The following GALNT13 variants were observed in gnomAD, a reference collection of about 807,000 sequenced individuals.
The protein encoded by GALNT13 is UDP-GalNAc:polypeptide N-acetylgalactosaminyltransferase 13.
Under a neutral mutation model 64.2 loss-of-function variants are expected in GALNT13, and 28 were observed. The observed-to-expected ratio is 0.44, with a 90% CI of 0.32 to 0.60. The LOEUF is 0.60. GALNT13 is among the 20% of genes least tolerant of loss of function. The pLI, the probability that GALNT13 is intolerant of heterozygous loss-of-function variation, is 0.05. For synonymous variants in GALNT13, 214 were observed against 224.6 expected (o/e 0.95, Z 0.42); for missense variants, 577 against 669.8 (o/e 0.86, Z 1.53).
chr2:153,071,846 T>C, the GALNT13 span, among the ~76,000 whole-genome samples: 2 of 152,172 alleles, frequency 1.3e-5, no homozygotes. Flanking sequence ...TTATGGGTTT[T>C]AAAAAATGTA....
At chr2:153,796,586 G>T in the GALNT13 span, among the ~76,000 whole-genome samples, 2 of 152,066 alleles carry the variant, frequency 1.3e-5, no homozygotes, top group Non-Finnish European at 2.9e-5. Flanking sequence ...AGTACATTGA[G>T]ATTTAAAGAA....
At chr2:154,087,487 C>T (rs960650405) in intron 3 of GALNT13, among the ~76,000 whole-genome samples, 1 of 152,030 alleles carries the variant, frequency 6.6e-6, no homozygotes, top group Admixed American at 6.6e-5. Context: ...GATTTGACAT[C>T]ATAGTCCATT....
chr2:153,379,098 A>G, the GALNT13 span, among the ~76,000 whole-genome samples: 2 of 152,110 alleles, frequency 1.3e-5, no homozygotes, highest in African/African-American at 4.8e-5. Flanking sequence ...GGGACGAGAT[A>G]CTGTAAAGGC....
At chr2:153,750,412 C>A in the GALNT13 span, among the ~76,000 whole-genome samples, 1 of 151,784 alleles carries the variant, frequency 6.6e-6, no homozygotes, top group Non-Finnish European at 1.5e-5. Context: ...ATTAGTTTTT[C>A]TTTAAACGTT....
chr2:153,490,697 C>T, the GALNT13 span, among the ~76,000 whole-genome samples: 34 of 152,196 alleles, frequency 2.2e-4, no homozygotes, highest in Non-Finnish European at 5.0e-4. Flanking sequence ...CAGTGGCTCA[C>T]ACCTGTAATC....
At chr2:153,554,197 G>A in the GALNT13 span, among the ~76,000 whole-genome samples, 1 of 151,818 alleles carries the variant, frequency 6.6e-6, no homozygotes, top group Non-Finnish European at 1.5e-5. Flanking sequence ...CGTGGTGATG[G>A]GTGCCTGTAG....
At chr2:153,762,215 C>G in the GALNT13 span, 2 of 69,224 alleles carry the variant, frequency 2.9e-5, no homozygotes, top group African/African-American at 1.1e-4. Context: ...TACTTCTCTC[C>G]TCTTTTTTTC....
chr2:153,670,822 G>A, the GALNT13 span, among the ~76,000 whole-genome samples: 1 of 152,170 alleles, frequency 6.6e-6, no homozygotes, highest in Admixed American at 6.5e-5. Flanking sequence ...TTAGACGAAT[G>A]TCTAAATAGA....
At chr2:153,646,578 C>T in the GALNT13 span, among the ~76,000 whole-genome samples, 2 of 151,922 alleles carry the variant, frequency 1.3e-5, no homozygotes, top group Non-Finnish European at 2.9e-5. Flanking sequence ...TCGTCATTTA[C>T]ATTAGGTATA....
At chr2:153,468,574 A>G in the GALNT13 span, among the ~76,000 whole-genome samples, 5 of 152,074 alleles carry the variant, frequency 3.3e-5, no homozygotes, top group African/African-American at 1.2e-4. Context: ...AGTTTTCAGT[A>G]TTATAATTTG....
chr2:153,966,776 T>A (rs1693390094), intron 3 of GALNT13, among the ~76,000 whole-genome samples: 1 of 152,142 alleles, frequency 6.6e-6, no homozygotes, highest in Non-Finnish European at 1.5e-5. Context: ...TCTACCTGGT[T>A]ATTCGTGTTT....
At chr2:154,137,781 C>CAGCAT (rs1279646736) in intron 3 of GALNT13, among the ~76,000 whole-genome samples, 1 of 152,034 alleles carries the variant, frequency 6.6e-6, no homozygotes, top group Non-Finnish European at 1.5e-5. Flanking sequence ...ACTTTCTCTG[C>CAGCAT]AGCATGTCTT....
chr2:153,930,325 T>G (rs1044890035), intron 2 of GALNT13, among the ~76,000 whole-genome samples: 1 of 152,144 alleles, frequency 6.6e-6, no homozygotes, highest in Non-Finnish European at 1.5e-5. Flanking sequence ...CAGAGGCTCT[T>G]TAATTTAATT....
intron 10 of GALNT13, among the ~76,000 whole-genome samples, chr2:154,405,002 G>C (rs1184100498): frequency 6.6e-6 from 1 of 152,002 alleles, no homozygotes; most frequent in Admixed American, 6.6e-5. Context: ...AGAAAAACTA[G>C]AAAAGCATGA....
At chr2:153,500,635 C>T in the GALNT13 span, among the ~76,000 whole-genome samples, 1 of 152,150 alleles carries the variant, frequency 6.6e-6, no homozygotes, top group African/African-American at 2.4e-5. Flanking sequence ...CAGGCTTAGT[C>T]TAAAATGCAG....
intron 4 of GALNT13, among the ~76,000 whole-genome samples, chr2:154,232,596 A>G (rs572609038): frequency 1.3e-5 from 2 of 152,296 alleles, no homozygotes; most frequent in African/African-American, 4.8e-5. Flanking sequence ...CAGAAACACT[A>G]TCTGAACTAG....
chr2:153,266,407 T>A, the GALNT13 span, among the ~76,000 whole-genome samples: 1 of 152,174 alleles, frequency 6.6e-6, no homozygotes, highest in African/African-American at 2.4e-5. Context: ...GTTTTTGTAT[T>A]AGTTCATTTT....
At chr2:153,888,364 G>A (rs67985643) in intron 1 of GALNT13, among the ~76,000 whole-genome samples, 24,529 of 151,800 alleles carry the variant, frequency 0.16, 2,397 homozygotes, top group East Asian at 0.26. Context: ...GAAATAAATT[G>A]CATTATGTTT....
intron 3 of GALNT13, among the ~76,000 whole-genome samples, chr2:154,054,112 T>C (rs1190542011): frequency 2.0e-5 from 3 of 152,190 alleles, no homozygotes; most frequent in African/African-American, 7.2e-5. Context: ...CACAGAGCTC[T>C]TTTTTTCTTG....
Sources: gnomAD v4.1 joint callset for allele counts (sites outside exome capture counted in the v4.1 genomes callset) on GRCh38, gnomAD v4.1.1 for gene constraint, MANE v1.5 for transcripts, NCBI Gene and HGNC (gene_info 2026-07-23, HGNC 2026-07-21) for gene names.